The following MFSD6 variants were observed in gnomAD, a reference collection of about 807,000 sequenced individuals.
MFSD6 encodes the protein major facilitator superfamily domain containing 6.
MFSD6 carries 26 observed loss-of-function variants against 56.3 expected under a neutral mutation model. The observed-to-expected ratio is 0.46, with a 90% CI of 0.34 to 0.64. MFSD6 has a LOEUF of 0.64. MFSD6 is among the 30% of genes least tolerant of loss of function. MFSD6 has a pLI of 0.01. For synonymous variants in MFSD6, 331 were observed against 366.9 expected (o/e 0.90, Z 1.12); for missense variants, 750 against 986.2 (o/e 0.76, Z 3.21).
intron 4 of MFSD6, among the ~76,000 whole-genome samples, chr2:190,470,785 T>A (rs1687875680): frequency 6.6e-6 from 1 of 152,158 alleles, no homozygotes; most frequent in African/African-American, 2.4e-5. Context: ...ATTATACATC[T>A]AAACAGAATG....
chr2:190,496,220 A>G lies in MFSD6; in HGVS notation c.1892-1219A>G, dbSNP rs1275292056. On this transcript the variant is annotated intron_variant, in intron 6 of 7. Coordinates refer to ENST00000392328, the MANE Select transcript of MFSD6 (RefSeq NM_017694.4). This position sits in a 1 kb window ranked among gnomAD's most constrained non-coding sequence, Gnocchi z 4.7. The stretch of plus-strand genomic sequence containing the variant: ...AGCAAAGATACACAAATGGCCAACA[A>G]ACATGAAACAATGGTCAACATCACT... Among the ~76,000 whole-genome samples, 2 of 152,150 alleles carry G rather than the reference A, an allele frequency of 1.3e-5. No individual in the cohort carries two copies. The highest frequency in any genetic ancestry group is 2.9e-5 in the Non-Finnish European group (2 of 67,996).
At position 190,497,197 on chromosome 2, in the gene MFSD6, A is replaced by C. The variant is rs373293655; in HGVS notation, c.1892-242A>C. Among the ~76,000 whole-genome samples, 1 of 152,136 alleles carries C rather than the reference A, an allele frequency of 6.6e-6. No individual in the cohort carries two copies. The highest frequency in any genetic ancestry group is 6.5e-5 in the Admixed American group (1 of 15,274). ...ATGTTCTAAGTTAAATGAAAAATAT[A>C]TTTCTTAAATATATATGCTAATGTC... On this transcript the variant is annotated intron_variant, in intron 6 of 7. Transcript: ENST00000392328. This position sits in a 1 kb window ranked among gnomAD's most constrained non-coding sequence, Gnocchi z 5.2.
intron 4 of MFSD6, among the ~76,000 whole-genome samples, chr2:190,470,625 T>G (rs1431648048): frequency 6.6e-6 from 1 of 152,214 alleles, no homozygotes; most frequent in African/African-American, 2.4e-5. Context: ...CTAAACAGTC[T>G]GTGATTTGAT....
Position 190,461,053 on chromosome 2 carries a change from T to C in MFSD6, c.1533-8705T>C, listed in dbSNP as rs1687302771. Among the ~76,000 whole-genome samples the C allele has an allele frequency of 6.6e-6, 1 of 152,174 alleles. No individual in the cohort carries two copies. Among genetic ancestry groups the C allele is most frequent in the African/African-American group, 2.4e-5 (1 of 41,444 alleles). On this transcript the variant is annotated intron_variant, in intron 3 of 7. Transcript: ENST00000392328. The surrounding 1 kb of genome is among the most constrained non-coding windows in gnomAD (Gnocchi z 5.5). ...CACTATTTCCTATGTCTTTCTTAAC[T>C]CTTTGGACAACTAGATGGTTTACCC...
At chr2:190,422,257 G>C (rs955537483) in intron 2 of MFSD6, among the ~76,000 whole-genome samples, 2 of 151,998 alleles carry the variant, frequency 1.3e-5, no homozygotes, top group Admixed American at 6.6e-5. Flanking sequence ...TTTTTCTGAC[G>C]GTCTCTCCTG....
rs1425781480 is a variant in MFSD6, at chr2:190,459,311, G to A, written c.1533-10447G>A. ...CTTCAACCTGAGTTTCGATGAACTTGTTCAGCTTCGTCAAATTTAGCTTAG... is the reference window on the plus strand; with the variant it reads ...CTTCAACCTGAGTTTCGATGAACTTATTCAGCTTCGTCAAATTTAGCTTAG... On this transcript the variant is annotated intron_variant, in intron 3 of 7. Coordinates refer to ENST00000392328, the MANE Select transcript of MFSD6 (RefSeq NM_017694.4). The surrounding 1 kb of genome is among the most constrained non-coding windows in gnomAD (Gnocchi z 5.3). 6.6e-6 allele frequency among the ~76,000 whole-genome samples: 1 copy of A among 152,154 alleles called. No individual in the cohort carries two copies. Among genetic ancestry groups the A allele is most frequent in the Non-Finnish European group, 1.5e-5 (1 of 68,026 alleles).
rs1329174552 is a variant in MFSD6 at position 190,429,330 on chromosome 2, C to CT, written c.-53-6634dup. 4.8e-3 allele frequency among the ~76,000 whole-genome samples: 676 copies of CT among 142,018 alleles called. 7 individuals are homozygous for CT. The highest frequency in any genetic ancestry group is 0.014 in the African/African-American group (553 of 38,890). 93.2% of individuals were successfully genotyped at this position (142,018 alleles called of 152,430 possible). ...TAATGGTAGCTTATGAACAGAAATT[C>CT]TTTTTTTTTTTTTGAGATGGAGTCT... On this transcript the variant is annotated intron_variant, in intron 2 of 7. Transcript: ENST00000392328.
intron 4 of MFSD6, among the ~76,000 whole-genome samples, chr2:190,472,666 G>A (rs1240405774): frequency 6.6e-6 from 1 of 152,178 alleles, no homozygotes; most frequent in East Asian, 1.9e-4. Flanking sequence ...ACACTCTGCA[G>A]GATATTATCC....
In MFSD6 at chr2:190,497,402, T is replaced by C. The variant is rs1390750344; in HGVS notation, c.1892-37T>C. On this transcript the variant is annotated intron_variant, in intron 6 of 7. Coordinates refer to ENST00000392328, the MANE Select transcript of MFSD6 (RefSeq NM_017694.4). This position sits in a 1 kb window ranked among gnomAD's most constrained non-coding sequence, Gnocchi z 5.2. ...TACCTTTGTTCAAATATGTAGAAAA[T>C]GCTGAAAAAATAGTTTAAACATTCT... The C allele has an allele frequency of 2.3e-5, 36 of 1,596,074 alleles. No homozygotes were observed. The highest frequency in any genetic ancestry group is 2.7e-5 in the Non-Finnish European group (32 of 1,169,854).
At chr2:190,444,391 G>A (rs1372962096) in intron 3 of MFSD6, among the ~76,000 whole-genome samples, 3 of 152,178 alleles carry the variant, frequency 2.0e-5, no homozygotes, top group Non-Finnish European at 4.4e-5. Flanking sequence ...GTAGAATATA[G>A]TTTAGCCACA....
rs1378708792 is a variant in MFSD6 at position 190,426,856 on chromosome 2, T to C, written c.-53-9121T>C. On this transcript the variant is annotated intron_variant, in intron 2 of 7. Transcript: ENST00000392328. The surrounding 1 kb of genome is among the most constrained non-coding windows in gnomAD (Gnocchi z 4.7). ...TGGATCTTATTTAGACCTTCTGCTT[T>C]AGCTGACTTTTTCTGAAACTGCTCT... Among the ~76,000 whole-genome samples the C allele has an allele frequency of 1.3e-5, 2 of 152,248 alleles. No homozygotes were observed. The highest frequency in any genetic ancestry group is 2.9e-5 in the Non-Finnish European group (2 of 68,038).
At position 190,492,211 on chromosome 2, in the gene MFSD6, C is replaced by A. The variant is rs1689400062; in HGVS notation, c.1891+2345C>A. Among the ~76,000 whole-genome samples the A allele has an allele frequency of 6.6e-6, 1 of 152,156 alleles. No individual in the cohort carries two copies. The highest frequency in any genetic ancestry group is 1.5e-5 in the Non-Finnish European group (1 of 68,016). ...GGAGTTCCTGAGGAAGAAGATACAT[C>A]TGAAAGTATGGAAAACACATTTGAT... is the stretch of plus-strand genomic sequence containing the variant. On this transcript the variant is annotated intron_variant, in intron 6 of 7. Coordinates refer to ENST00000392328, the MANE Select transcript of MFSD6 (RefSeq NM_017694.4). This position sits in a 1 kb window ranked among gnomAD's most constrained non-coding sequence, Gnocchi z 5.2.
rs201114448 is a variant in MFSD6, at chr2:190,494,425, GA to G, written c.1892-3012del. 0.011 allele frequency among the ~76,000 whole-genome samples: 1,713 copies of G among 152,230 alleles called. 38 individuals carry two copies. Among genetic ancestry groups the G allele is most frequent in the African/African-American group, 0.038 (1,572 of 41,536 alleles). On this transcript the variant is annotated intron_variant, in intron 6 of 7. Transcript: ENST00000392328. The surrounding 1 kb of genome is among the most constrained non-coding windows in gnomAD (Gnocchi z 5.7). The stretch of plus-strand genomic sequence containing the variant: ...AGCTGAATTCTATCAGGCATTCAAA[GA>G]AGAATTGGTACCAATCCTATTGACA...
Position 190,451,157 on chromosome 2 carries a change from G to A in MFSD6, c.1532+13596G>A, listed in dbSNP as rs553953917. Reference sequence around the variant, plus strand: ...ATTTGCCTATAAAAAGTGTATGTGTGTGTATATGTACATGTGTGCATTTGA... The same window carrying A: ...ATTTGCCTATAAAAAGTGTATGTGTATGTATATGTACATGTGTGCATTTGA... On this transcript the variant is annotated intron_variant, in intron 3 of 7. Transcript: ENST00000392328. This position sits in a 1 kb window ranked among gnomAD's most constrained non-coding sequence, Gnocchi z 5.0. Among the ~76,000 whole-genome samples the A allele has an allele frequency of 7.2e-5, 11 of 152,274 alleles. No homozygotes were observed. The highest frequency in any genetic ancestry group is 2.2e-4 in the African/African-American group (9 of 41,562).
At chr2:190,411,717 TGG>T (rs1690573517) in intron 1 of MFSD6, 2 of 985,302 alleles carry the variant, frequency 2.0e-6, no homozygotes, top group Non-Finnish European at 2.4e-6. Context: ...AAGTGAAAGG[TGG>T]CATACTGAGA....
Position 190,439,423 on chromosome 2 carries a change from A to T in MFSD6, c.1532+1862A>T, listed in dbSNP as rs10084203. 6.6e-6 allele frequency among the ~76,000 whole-genome samples: 1 copy of T among 151,874 alleles called. No homozygotes were observed. Among genetic ancestry groups the T allele is most frequent in the African/African-American group, 2.4e-5 (1 of 41,270 alleles). On this transcript the variant is annotated intron_variant, in intron 3 of 7. Coordinates refer to ENST00000392328, the MANE Select transcript of MFSD6 (RefSeq NM_017694.4). This position sits in a 1 kb window ranked among gnomAD's most constrained non-coding sequence, Gnocchi z 5.8. ...TAGGGTACACGTGCACAACGTGCAG[A>T]TTTGTTGCATGTGTATAGATAGGTT... is the stretch of plus-strand genomic sequence containing the variant.
Position 190,463,185 on chromosome 2 carries a change from A to G in MFSD6, c.1533-6573A>G, listed in dbSNP as rs1026673192. ...ATGGAAGATAGCTGGGAGGAGGGGGACAGTTATGAGAAAACAAATTTTCTA... is the reference window on the plus strand; with the variant it reads ...ATGGAAGATAGCTGGGAGGAGGGGGGCAGTTATGAGAAAACAAATTTTCTA... On this transcript the variant is annotated intron_variant, in intron 3 of 7. Transcript: ENST00000392328. This position sits in a 1 kb window ranked among gnomAD's most constrained non-coding sequence, Gnocchi z 4.4. Among the ~76,000 whole-genome samples, 2 of 152,180 alleles carry G rather than the reference A, an allele frequency of 1.3e-5. No individual in the cohort carries two copies. The highest frequency in any genetic ancestry group is 2.4e-5 in the African/African-American group (1 of 41,438).
chr2:190,473,244 C>T (rs1013384266), intron 4 of MFSD6, among the ~76,000 whole-genome samples: 1 of 152,000 alleles, frequency 6.6e-6, no homozygotes, highest in East Asian at 1.9e-4. Flanking sequence ...CAATATTAAC[C>T]TTAAATATAA....
rs888421370 is a variant in MFSD6, at chr2:190,443,946, G to A, written c.1532+6385G>A. Among the ~76,000 whole-genome samples the A allele has an allele frequency of 2.0e-5, 3 of 152,110 alleles. No individual in the cohort carries two copies. The highest frequency in any genetic ancestry group is 7.2e-5 in the African/African-American group (3 of 41,414). On this transcript the variant is annotated intron_variant, in intron 3 of 7. Coordinates refer to ENST00000392328, the MANE Select transcript of MFSD6 (RefSeq NM_017694.4). This position sits in a 1 kb window ranked among gnomAD's most constrained non-coding sequence, Gnocchi z 4.2. ...ACACGCCTGTAGTCCCAGTTACTTG[G>A]GAGCCTGAGCTGGGAGGATCTGTTG...
Sources: gnomAD v4.1 joint callset for allele counts (sites outside exome capture counted in the v4.1 genomes callset) on GRCh38, gnomAD v4.1.1 for gene constraint, Gnocchi (gnomAD v3.1) non-coding constraint, MANE v1.5 for transcripts, NCBI Gene and HGNC (gene_info 2026-07-23, HGNC 2026-07-21) for gene names.